Variants in BRD3 observed in about 807,000 individuals in gnomAD.
The protein encoded by BRD3 is bromodomain-containing protein 3.
In BRD3, 17 loss-of-function variants were observed where a neutral mutation model predicts 66.8. The observed-to-expected ratio is 0.25, with a 90% CI of 0.17 to 0.38. The LOEUF is 0.38. Ranked by LOEUF, BRD3 falls within the 10% of genes least tolerant of loss-of-function variation. BRD3 has a pLI of 1.00. For synonymous variants in BRD3, 421 were observed against 393.2 expected, an observed-to-expected ratio of 1.07 and a Z score of -0.84; for missense variants, 713 against 956.1, an observed-to-expected ratio of 0.75 and a Z score of 3.35.
intron 1 of BRD3, among the ~76,000 whole-genome samples, chr9:134,061,975 A>G (rs2506713): frequency 0.69 from 105,133 of 152,048 alleles, 36,995 homozygotes; most frequent in African/African-American, 0.8. Flanking sequence ...GGGCCTCCCC[A>G]GCCCACGTGG....
At chr9:134,041,632 G>A in intron 8 of BRD3, 128 bp downstream of exon 8, 1 of 1,246,586 alleles carries the variant, frequency 8.0e-7, no homozygotes, top group South Asian at 1.5e-5. Context: ...TCTTTACGGG[G>A]AAGCACTACC....
Position 134,048,457 on chromosome 9 carries a change from G to GA in BRD3, c.715-4_715-3insT, listed in dbSNP as rs1830222894. 6.3e-7 allele frequency: 1 copy of GA among 1,598,260 alleles called. No homozygotes were observed. The stretch of plus-strand genomic sequence containing the variant: ...GCTTTCCGCTTCACGCCCTTTTTCT[G>GA]CGACAGTGAAATAACCAGTGAACCC... On this transcript the variant is annotated splice_region_variant and splice_polypyrimidine_tract_variant and intron_variant, in intron 5 of 11. Transcript: ENST00000303407.
intron 1 of BRD3, among the ~76,000 whole-genome samples, chr9:134,067,154 G>A (rs1830677903): frequency 6.6e-6 from 1 of 152,258 alleles, no homozygotes; most frequent in Non-Finnish European, 1.5e-5. Flanking sequence ...GTGGGAAGGA[G>A]GGGAAGCACC....
intron 3 of BRD3, among the ~76,000 whole-genome samples, 157 bp from the exon 4 acceptor site, chr9:134,051,866 TGTGTGTGTG>T (rs1830306269): frequency 8.8e-5 from 10 of 113,270 alleles, no homozygotes; most frequent in Admixed American, 8.2e-4. Context: ...TGTGTGTGTG[TGTGTGTGTG>T]TGTTGTTTTT....
intron 1 of BRD3, among the ~76,000 whole-genome samples, chr9:134,062,663 C>T (rs559147913): frequency 6.6e-6 from 1 of 152,312 alleles, no homozygotes; most frequent in Admixed American, 6.5e-5. Context: ...GGACGCTCTA[C>T]CCCCGTGGGA....
intron 9 of BRD3, among the ~76,000 whole-genome samples, chr9:134,039,484 C>T (rs1829993816): frequency 6.6e-6 from 1 of 152,204 alleles, no homozygotes; most frequent in African/African-American, 2.4e-5. Context: ...TGCTCCCACA[C>T]AGCTGTTGCC....
intron 1 of BRD3, among the ~76,000 whole-genome samples, chr9:134,061,615 G>T (rs2132453481): frequency 6.6e-6 from 1 of 152,320 alleles, no homozygotes; most frequent in East Asian, 1.9e-4. Flanking sequence ...CTGTGTCCCT[G>T]ACTGGATGGC....
At chr9:134,036,736 C>G in intron 9 of BRD3, 1 of 771,084 alleles carries the variant, frequency 1.3e-6, no homozygotes, top group Non-Finnish European at 2.2e-6. Context: ...GGGCCGGGCG[C>G]GGTGGCTCAC....
chr9:134,038,294 A>G (rs1490652451), intron 9 of BRD3, among the ~76,000 whole-genome samples: 1 of 151,900 alleles, frequency 6.6e-6, no homozygotes, highest in Admixed American at 6.6e-5. Context: ...AGCTGGGATT[A>G]CAGGCGCCCG....
At chr9:134,056,296 G>A (rs1313361149) in intron 1 of BRD3, among the ~76,000 whole-genome samples, 1 of 152,212 alleles carries the variant, frequency 6.6e-6, no homozygotes, top group Non-Finnish European at 1.5e-5. Flanking sequence ...CTACCTGGCA[G>A]AAACACACCA....
intron 7 of BRD3, among the ~76,000 whole-genome samples, chr9:134,042,342 G>A (rs554764802): frequency 1.3e-5 from 2 of 152,312 alleles, no homozygotes; most frequent in East Asian, 3.9e-4. Context: ...CACAGCCACA[G>A]GAGTCCAAGA....
chr9:134,043,560 C>T (rs1830106484), intron 7 of BRD3, among the ~76,000 whole-genome samples: 1 of 152,256 alleles, frequency 6.6e-6, no homozygotes, highest in Non-Finnish European at 1.5e-5. Flanking sequence ...CCAGAGGCAA[C>T]CCAACCCACA....
rs998103979 is a variant in BRD3, at chr9:134,032,785, C to A, written c.*805G>T. 2 of 248,538 alleles carry A rather than the reference C, an allele frequency of 8.0e-6. No homozygotes were observed. The highest frequency in any genetic ancestry group is 1.5e-5 in the Non-Finnish European group (2 of 129,778). 15.4% of individuals were successfully genotyped at this position (248,538 alleles called of 1,614,324 possible). A position where few individuals can be genotyped will look rare whatever the true frequency, so the allele number is the denominator to read the frequency against. On this transcript the variant is annotated 3_prime_UTR_variant, in exon 12 of 12. Coordinates refer to ENST00000303407, the MANE Select transcript of BRD3 (RefSeq NM_007371.4). ...AGGGGCAGCGCTAGCCAGGCGGGGA[C>A]TCACAGCGGGCTGGACTTCCGTAGA...
chr9:134,033,274 C>A lies in BRD3; in HGVS notation c.*316G>T. On this transcript the variant is annotated 3_prime_UTR_variant, in exon 12 of 12. Transcript: ENST00000303407. This position sits in a 1 kb window ranked among gnomAD's most constrained non-coding sequence, Gnocchi z 5.1. ...AGGTTGGGCCTAAGCAAAGGGATTC[C>A]ACAAGGTTCTTCGGTACGAATCTCA... The A allele has an allele frequency of 2.4e-6, 1 of 422,520 alleles. No homozygotes were observed. Among genetic ancestry groups the A allele is most frequent in the South Asian group, 8.0e-5 (1 of 12,450 alleles). The allele number at this position is 422,520 out of a possible 1,614,324, so 26.2% of individuals were successfully genotyped here.
chr9:134,030,737 A>G lies in BRD3; in HGVS notation c.*2853T>C, dbSNP rs1465406988. On this transcript the variant is annotated 3_prime_UTR_variant, in exon 12 of 12. Coordinates refer to ENST00000303407, the MANE Select transcript of BRD3 (RefSeq NM_007371.4). ...ACAACAACAAAAACAAACACACAAA[A>G]AAATGTGTCTTACAGTTTGTAAGCA... The G allele has an allele frequency of 8.6e-6, 2 of 231,982 alleles. No individual in the cohort carries two copies. The highest frequency in any genetic ancestry group is 1.7e-5 in the Non-Finnish European group (2 of 117,312). The allele number at this position is 231,982 out of a possible 1,614,324, so 14.4% of individuals were successfully genotyped here.
At chr9:134,039,702 C>T (rs1313698153) in intron 9 of BRD3, among the ~76,000 whole-genome samples, 1 of 152,336 alleles carries the variant, frequency 6.6e-6, no homozygotes, top group East Asian at 1.9e-4. Context: ...TGCCTATGGG[C>T]AAGTCCAAAA....
rs1843547252 is a variant in BRD3, at chr9:134,033,506, G to C, written c.*84C>G. The stretch of plus-strand genomic sequence containing the variant: ...AAGCAGACCTGCACACCATGGAACA[G>C]AAGTAGTAATATGAACCACAGAGGG... On this transcript the variant is annotated 3_prime_UTR_variant, in exon 12 of 12. Transcript: ENST00000303407. The surrounding 1 kb of genome is among the most constrained non-coding windows in gnomAD (Gnocchi z 5.1). 4.6e-6 allele frequency: 3 copies of C among 655,622 alleles called. No individual in the cohort carries two copies. Among genetic ancestry groups the C allele is most frequent in the Admixed American group, 2.3e-5 (1 of 43,404 alleles). 40.6% of individuals were successfully genotyped at this position (655,622 alleles called of 1,614,324 possible).
intron 9 of BRD3, among the ~76,000 whole-genome samples, chr9:134,038,757 ATTTGAGATGCTTCAGT>A (rs1434500399): frequency 2.6e-5 from 4 of 152,292 alleles, no homozygotes; most frequent in East Asian, 1.9e-4. Context: ...AGATTTTCAG[ATTTGAGATGCTTCAGT>A]TTTGAGATGC....
At chr9:134,067,270 A>G (rs1057303788) in intron 1 of BRD3, among the ~76,000 whole-genome samples, 3 of 151,764 alleles carry the variant, frequency 2.0e-5, no homozygotes, top group Non-Finnish European at 4.4e-5. Flanking sequence ...ATAATCCGGC[A>G]ACTCAGGGGG....
Sources: allele counts gnomAD v4.1 joint callset (sites outside exome capture counted in the v4.1 genomes callset), GRCh38; gene constraint gnomAD v4.1.1; non-coding constraint Gnocchi (gnomAD v3.1); transcripts MANE v1.5; gene names NCBI Gene and HGNC (gene_info 2026-07-23, HGNC 2026-07-21).